The following IGSF10 variants were observed in gnomAD, a reference collection of about 807,000 sequenced individuals.
IGSF10 encodes the protein calvaria mechanical force protein 608.
A neutral mutation model predicts 128.2 loss-of-function variants in IGSF10; 126 were observed. The observed-to-expected ratio is 0.98, with a 90% CI of 0.85 to 1.14. IGSF10 has a LOEUF of 1.14. Ranked by LOEUF, IGSF10 falls within the 50% of genes most tolerant of loss-of-function variation. The pLI, the probability that IGSF10 is intolerant of heterozygous loss-of-function variation, is 0.00. For synonymous variants in IGSF10, 1,185 were observed against 1,146.2 expected, an observed-to-expected ratio of 1.03 and a Z score of -0.68; for missense variants, 3,295 against 3,149.8, an observed-to-expected ratio of 1.05 and a Z score of -1.10.
At chr3:151,569,367 C>T in the IGSF10 span, among the ~76,000 whole-genome samples, 43 of 152,310 alleles carry the variant, frequency 2.8e-4, no homozygotes, top group Middle Eastern at 6.8e-3. Flanking sequence ...CCACTGTGCC[C>T]GGCCTTTCCA....
the IGSF10 span, among the ~76,000 whole-genome samples, chr3:151,575,640 C>G: frequency 6.6e-6 from 1 of 152,206 alleles, no homozygotes; most frequent in Non-Finnish European, 1.5e-5. Flanking sequence ...CATGTCTTCC[C>G]TTGGCTAGGA....
chr3:151,558,857 G>T, the IGSF10 span, among the ~76,000 whole-genome samples: 1 of 152,014 alleles, frequency 6.6e-6, no homozygotes, highest in Non-Finnish European at 1.5e-5. Flanking sequence ...AGGAGTTTTG[G>T]AGAATTCTAG....
the IGSF10 span, among the ~76,000 whole-genome samples, chr3:151,522,307 A>G: frequency 6.6e-6 from 1 of 152,260 alleles, no homozygotes; most frequent in South Asian, 2.1e-4. Context: ...GCTCCAAAAC[A>G]ATTAAGGAGG....
At chr3:151,441,857 C>T (rs766659197) in intron 7 of IGSF10, among the ~76,000 whole-genome samples, 10 of 152,126 alleles carry the variant, frequency 6.6e-5, no homozygotes, top group Non-Finnish European at 1.5e-4. Flanking sequence ...GTCAGGAGAT[C>T]AAGACCATCC....
At chr3:151,565,840 T>C in the IGSF10 span, 1 of 151,962 alleles carries the variant, frequency 6.6e-6, no homozygotes, top group East Asian at 2.0e-4. Flanking sequence ...ATTAAGATGA[T>C]AGCTATGATT....
chr3:151,444,344 G>A (rs1348313149), intron 6 of IGSF10, among the ~76,000 whole-genome samples: 1 of 152,084 alleles, frequency 6.6e-6, no homozygotes, highest in Non-Finnish European at 1.5e-5. Flanking sequence ...TTTCACTCTT[G>A]TTGCCCAGGC....
At chr3:151,563,837 C>T in the IGSF10 span, among the ~76,000 whole-genome samples, 1 of 152,066 alleles carries the variant, frequency 6.6e-6, no homozygotes, top group Non-Finnish European at 1.5e-5. Context: ...GTTTTAAATG[C>T]TTTATAATAA....
At position 151,457,156 on chromosome 3, in the gene IGSF10, C is replaced by T. The variant is rs747840285; in HGVS notation, c.195-1G>A. ...CATCAATCTAACCAAGCTGTTGTAT[C>T]TGAAATAAAAAATGACATTCTAGGC... On this transcript the variant is annotated splice_acceptor_variant, in intron 3 of 7. Transcript: ENST00000282466. LOFTEE classifies it high-confidence loss of function. 2.5e-6 allele frequency: 4 copies of T among 1,613,718 alleles called. No homozygotes were observed. In the Admixed American group the frequency reaches 6.7e-5, roughly 27 times the overall value.
chr3:151,486,896 T>C, the IGSF10 span, among the ~76,000 whole-genome samples: 6 of 152,184 alleles, frequency 3.9e-5, no homozygotes, highest in South Asian at 2.1e-4. Flanking sequence ...AGTTCTAAAA[T>C]TGATATCCTA....
At chr3:151,467,208 T>A in the IGSF10 span, among the ~76,000 whole-genome samples, 3 of 152,212 alleles carry the variant, frequency 2.0e-5, no homozygotes, top group Non-Finnish European at 2.9e-5. Flanking sequence ...TCTGCCTATA[T>A]ACTGAGTCCA....
chr3:151,511,780 A>G, the IGSF10 span, among the ~76,000 whole-genome samples: 3 of 152,224 alleles, frequency 2.0e-5, no homozygotes, highest in East Asian at 1.9e-4. Context: ...TCTACCAAGC[A>G]AATGGAAAAC....
chr3:151,443,964 AC>A (rs1721030593), intron 6 of IGSF10, 80 bp from the exon 7 acceptor site: 2 of 1,100,150 alleles, frequency 1.8e-6, no homozygotes, highest in Non-Finnish European at 1.3e-6. Flanking sequence ...TTTTTGGGCT[AC>A]TAAGAATACA....
At chr3:151,590,801 T>A in the IGSF10 span, among the ~76,000 whole-genome samples, 1 of 152,188 alleles carries the variant, frequency 6.6e-6, no homozygotes, top group Non-Finnish European at 1.5e-5. Flanking sequence ...TAAATTTGAC[T>A]GAAGTAACGT....
the IGSF10 span, among the ~76,000 whole-genome samples, chr3:151,470,068 C>T: frequency 4.6e-5 from 7 of 152,204 alleles, no homozygotes; most frequent in African/African-American, 1.7e-4. Context: ...CAGCAGTACA[C>T]TTGGCCTGTA....
At chr3:151,491,739 GTATTTTCTTAAACGCT>G in the IGSF10 span, among the ~76,000 whole-genome samples, 2 of 152,078 alleles carry the variant, frequency 1.3e-5, no homozygotes, top group African/African-American at 4.8e-5. Flanking sequence ...AAGAATATCA[GTATTTTCTTAAACGCT>G]TCCAAAAATA....
the IGSF10 span, among the ~76,000 whole-genome samples, chr3:151,569,218 T>C: frequency 6.6e-6 from 1 of 152,182 alleles, no homozygotes; most frequent in East Asian, 1.9e-4. Context: ...ATTACAGGTA[T>C]GCGCTACCAC....
At chr3:151,432,782 A>G (rs1211313360), downstream of IGSF10, 2 of 1,613,428 alleles carry the variant, frequency 1.2e-6, no homozygotes, top group Non-Finnish European at 1.7e-6. Flanking sequence ...GTGACTCCGT[A>G]TGGGCATCCT....
the IGSF10 span, among the ~76,000 whole-genome samples, chr3:151,480,249 A>T: frequency 6.6e-6 from 1 of 152,168 alleles, no homozygotes; most frequent in East Asian, 1.9e-4. Context: ...CAGAGCACAG[A>T]AATCCAGGAT....
downstream of IGSF10, chr3:151,435,955 C>A (rs927396706): frequency 5.3e-5 from 8 of 152,038 alleles, no homozygotes; most frequent in Non-Finnish European, 7.4e-5. Flanking sequence ...ACCAGGGGTG[C>A]CTGAGCTAGA....
Sources: gnomAD v4.1 joint callset for allele counts (sites outside exome capture counted in the v4.1 genomes callset) on GRCh38, gnomAD v4.1.1 for gene constraint, MANE v1.5 for transcripts, NCBI Gene and HGNC (gene_info 2026-07-23, HGNC 2026-07-21) for gene names.